SLC16A10: variants seen among roughly 807,000 people sequenced by gnomAD.
SLC16A10 encodes the protein monocarboxylate transporter 10.
In SLC16A10, 27 loss-of-function variants were observed where a neutral mutation model predicts 40.0. The ratio of observed to expected loss-of-function variants is 0.67; its 90% CI spans 0.50 to 0.93. SLC16A10 has a LOEUF of 0.93. Among genes scored for constraint, SLC16A10 ranks in the 40% least tolerant of loss-of-function variants. The pLI is 0.00. For synonymous variants in SLC16A10, 213 were observed against 249.8 expected, an observed-to-expected ratio of 0.85 and a Z score of 1.39; for missense variants, 529 against 658.2, an observed-to-expected ratio of 0.80 and a Z score of 2.15.
Position 111,223,363 on chromosome 6 carries a change from A to G in SLC16A10, c.*1128A>G, listed in dbSNP as rs764718177. 8 of 151,990 alleles carry G rather than the reference A, an allele frequency of 5.3e-5. No individual in the cohort carries two copies. Among genetic ancestry groups the G allele is most frequent in the African/African-American group, 1.9e-4 (8 of 41,358 alleles). The allele number at this position is 151,990 out of a possible 1,614,324, so 9.4% of individuals were successfully genotyped here. On this transcript the variant is annotated 3_prime_UTR_variant, in exon 6 of 6. Coordinates refer to ENST00000368851, the MANE Select transcript of SLC16A10 (RefSeq NM_018593.5). ...CCCATTGTTTTTTTTTGCTATTTAT[A>G]TACAGATTATCATAAGAAAGCTCTC...
chr6:111,176,866 CTTCCTGGCACCAACCTTTA>C (rs1477774701), intron 2 of SLC16A10, among the ~76,000 whole-genome samples: 1 of 152,140 alleles, frequency 6.6e-6, no homozygotes, highest in Non-Finnish European at 1.5e-5. Flanking sequence ...TGATTTTACC[CTTCCTGGCACCAACCTTTA>C]TTTCTGAGCT....
intron 1 of SLC16A10, among the ~76,000 whole-genome samples, chr6:111,128,812 C>G (rs76970825): frequency 6.6e-6 from 1 of 151,770 alleles, no homozygotes; most frequent in Non-Finnish European, 1.5e-5. Context: ...CAAGAAAAAT[C>G]TTTACCCCAA....
intron 3 of SLC16A10, among the ~76,000 whole-genome samples, chr6:111,190,851 C>T (rs1772978325): frequency 6.6e-6 from 1 of 152,198 alleles, no homozygotes; most frequent in South Asian, 2.1e-4. Flanking sequence ...TCTGGGCCTC[C>T]AGGCCTATGA....
chr6:111,188,723 A>C (rs1387935482), intron 3 of SLC16A10, among the ~76,000 whole-genome samples: 1 of 152,132 alleles, frequency 6.6e-6, no homozygotes, highest in Admixed American at 6.6e-5. Flanking sequence ...TGTTGTTGTT[A>C]TGTGGCCTGG....
At chr6:111,212,144 A>G (rs542163547) in intron 4 of SLC16A10, among the ~76,000 whole-genome samples, 79 of 152,208 alleles carry the variant, frequency 5.2e-4, no homozygotes, top group Non-Finnish European at 9.6e-4. Flanking sequence ...GCCGAGCCCA[A>G]GAGCACAGGC....
intron 1 of SLC16A10, among the ~76,000 whole-genome samples, chr6:111,112,305 G>A (rs1174733632): frequency 6.6e-6 from 1 of 152,160 alleles, no homozygotes; most frequent in Non-Finnish European, 1.5e-5. Context: ...AAGGTGCTGG[G>A]ATTATAGGAA....
chr6:111,184,086 C>T (rs1405292249), intron 3 of SLC16A10, among the ~76,000 whole-genome samples: 1 of 152,164 alleles, frequency 6.6e-6, no homozygotes, highest in African/African-American at 2.4e-5. Context: ...AATGCTCTAT[C>T]TCCAATCTGA....
At chr6:111,193,488 T>C (rs1773030594) in intron 3 of SLC16A10, among the ~76,000 whole-genome samples, 1 of 152,184 alleles carries the variant, frequency 6.6e-6, no homozygotes, top group Non-Finnish European at 1.5e-5. Flanking sequence ...CAAGCTTGTT[T>C]TTTCTTTTCA....
intron 1 of SLC16A10, among the ~76,000 whole-genome samples, chr6:111,128,921 T>C (rs149102224): frequency 1.2e-3 from 184 of 151,564 alleles, no homozygotes; most frequent in African/African-American, 4.3e-3. Context: ...TTCAATTGTT[T>C]ATTTTTTCAT....
At chr6:111,188,961 G>A (rs563147605) in intron 3 of SLC16A10, among the ~76,000 whole-genome samples, 1 of 152,272 alleles carries the variant, frequency 6.6e-6, no homozygotes, top group Admixed American at 6.5e-5. Flanking sequence ...GTTGCCATTA[G>A]AATAGATTTC....
At chr6:111,099,312 A>G (rs1263448706) in intron 1 of SLC16A10, among the ~76,000 whole-genome samples, 2 of 152,104 alleles carry the variant, frequency 1.3e-5, no homozygotes, top group South Asian at 2.1e-4. Flanking sequence ...AATAATTTGT[A>G]TGTATGTATT....
intron 1 of SLC16A10, among the ~76,000 whole-genome samples, chr6:111,144,673 G>A (rs1772045038): frequency 6.6e-6 from 1 of 152,218 alleles, no homozygotes; most frequent in Admixed American, 6.5e-5. Flanking sequence ...GAATTGCAGT[G>A]AGGTATGATA....
chr6:111,199,432 C>T (rs1773131491), intron 3 of SLC16A10, among the ~76,000 whole-genome samples: 1 of 149,664 alleles, frequency 6.7e-6, no homozygotes, highest in South Asian at 2.1e-4. Flanking sequence ...GCATTCCAGC[C>T]TGGGTGACAA....
intron 1 of SLC16A10, among the ~76,000 whole-genome samples, chr6:111,162,750 T>A (rs532486783): frequency 6.6e-6 from 1 of 152,294 alleles, no homozygotes; most frequent in African/African-American, 2.4e-5. Flanking sequence ...ACTCAATTGT[T>A]AAAAGCTATA....
intron 1 of SLC16A10, among the ~76,000 whole-genome samples, chr6:111,105,361 C>T (rs144666663): frequency 6.6e-6 from 1 of 152,276 alleles, no homozygotes; most frequent in African/African-American, 2.4e-5. Flanking sequence ...ATAGATTCTA[C>T]TCTTTAAAAG....
intron 1 of SLC16A10, among the ~76,000 whole-genome samples, chr6:111,132,409 G>C (rs1173496510): frequency 1.3e-5 from 2 of 152,164 alleles, no homozygotes; most frequent in Non-Finnish European, 2.9e-5. Flanking sequence ...GTAAACAAGG[G>C]GGTAGCCCAA....
chr6:111,173,829 A>G (rs983603919), intron 2 of SLC16A10, among the ~76,000 whole-genome samples: 2 of 152,198 alleles, frequency 1.3e-5, no homozygotes, highest in East Asian at 3.8e-4. Flanking sequence ...ATATATTACA[A>G]TGTAATAATA....
intron 3 of SLC16A10, among the ~76,000 whole-genome samples, chr6:111,199,022 A>G (rs535821191): frequency 3.3e-5 from 5 of 152,312 alleles, no homozygotes; most frequent in Admixed American, 2.6e-4. Flanking sequence ...GCTGCCAACC[A>G]TGGCTGAGCC....
chr6:111,105,620 A>C (rs1430080451), intron 1 of SLC16A10, among the ~76,000 whole-genome samples: 1 of 152,224 alleles, frequency 6.6e-6, no homozygotes, highest in Non-Finnish European at 1.5e-5. Flanking sequence ...GTTTTGCCTT[A>C]GTTACCTGTC....
Sources: allele counts gnomAD v4.1 joint callset (sites outside exome capture counted in the v4.1 genomes callset), GRCh38; gene constraint gnomAD v4.1.1; transcripts MANE v1.5; gene names NCBI Gene and HGNC (gene_info 2026-07-23, HGNC 2026-07-21).